Variants in SYNE3 observed in about 807,000 individuals in gnomAD.
The protein encoded by SYNE3 is nesprin-3.
A neutral mutation model predicts 111.2 loss-of-function variants in SYNE3; 100 were observed. The observed-to-expected ratio is 0.90, with a 90% CI of 0.77 to 1.06. The LOEUF (loss-of-function observed/expected upper bound fraction) is 1.06. SYNE3 is among the 50% of genes least tolerant of loss of function. The pLI, the probability that SYNE3 is intolerant of heterozygous loss-of-function variation, is 0.00. For missense variants in SYNE3, 1,160 were observed against 1,240.3 expected, an observed-to-expected ratio of 0.94 and a Z score of 0.97; for synonymous variants, 547 against 533.9, an observed-to-expected ratio of 1.02 and a Z score of -0.34.
chr14:95,516,175 G>T (rs927208501), intron 1 of SYNE3: 4 of 152,312 alleles, frequency 2.6e-5, no homozygotes, highest in Non-Finnish European at 4.4e-5. Flanking sequence ...GCTCGCGGTC[G>T]CCAGGAGCGG....
chr14:95,421,245 G>A (rs747106343), intron 17 of SYNE3, among the ~76,000 whole-genome samples: 3 of 152,156 alleles, frequency 2.0e-5, no homozygotes, highest in Non-Finnish European at 4.4e-5. Flanking sequence ...GGGTTGATGA[G>A]CCCATGGGGG....
intron 17 of SYNE3, among the ~76,000 whole-genome samples, chr14:95,420,282 T>G (rs979481806): frequency 2.6e-5 from 4 of 152,000 alleles, no homozygotes; most frequent in African/African-American, 9.7e-5. Context: ...GCTGCTGGGT[T>G]GGGTGGGGCC....
At chr14:95,457,419 GGT>G (rs36203973) in intron 4 of SYNE3, 81 bp from the exon 5 acceptor site, 207,019 of 1,216,920 alleles carry the variant, frequency 0.17, 1,265 homozygotes, top group East Asian at 0.27. Context: ...AGCCTGCCTG[GGT>G]GTGTGTGTGT....
intron 9 of SYNE3, among the ~76,000 whole-genome samples, chr14:95,445,283 T>C (rs2139407793): frequency 6.6e-6 from 1 of 152,338 alleles, no homozygotes; most frequent in South Asian, 2.1e-4. Flanking sequence ...TTCTTGACCA[T>C]TCTGCTTCAG....
chr14:95,437,098 G>A (rs75942423), intron 14 of SYNE3, 117 bp from the exon 15 acceptor site: 16,544 of 1,204,366 alleles, frequency 0.014, 178 homozygotes, highest in Middle Eastern at 0.019. Context: ...CCAAAATGGC[G>A]ACGGGAGAGG....
At chr14:95,475,343 G>A (rs1219748316) in intron 2 of SYNE3, among the ~76,000 whole-genome samples, 1 of 151,884 alleles carries the variant, frequency 6.6e-6, no homozygotes, top group South Asian at 2.1e-4. Context: ...CCCCCAGCAA[G>A]GGCTGGGGAC....
chr14:95,510,867 T>C (rs1890699412), intron 1 of SYNE3, among the ~76,000 whole-genome samples: 1 of 152,112 alleles, frequency 6.6e-6, no homozygotes, highest in African/African-American at 2.4e-5. Flanking sequence ...ACAAAGGCAG[T>C]GGGCTTCCTT....
At chr14:95,440,146 A>C in intron 11 of SYNE3, 71 bp from the exon 12 acceptor site, 2 of 1,503,036 alleles carry the variant, frequency 1.3e-6, no homozygotes, top group East Asian at 4.6e-5. Context: ...CACCACCCCC[A>C]CCCTGCAGGG....
intron 3 of SYNE3, 99 bp downstream of exon 3, chr14:95,467,696 G>A (rs766351498): frequency 3.3e-5 from 47 of 1,427,518 alleles, no homozygotes; most frequent in Non-Finnish European, 4.3e-5. Context: ...CAGAATCCCA[G>A]GACTGGAGAA....
chr14:95,468,018 C>G, intron 2 of SYNE3, 51 bp from the exon 3 acceptor site: 2 of 1,572,438 alleles, frequency 1.3e-6, no homozygotes, highest in Non-Finnish European at 1.7e-6. Context: ...GGCAGACAGG[C>G]ACAACCTTGG....
At chr14:95,495,953 G>A (rs903921717) in intron 1 of SYNE3, among the ~76,000 whole-genome samples, 12 of 152,190 alleles carry the variant, frequency 7.9e-5, no homozygotes, top group Non-Finnish European at 1.3e-4. Context: ...CCTCTCAAGA[G>A]TATGGCTTGA....
intron 1 of SYNE3, among the ~76,000 whole-genome samples, chr14:95,505,960 A>G (rs911596199): frequency 2.6e-4 from 40 of 152,242 alleles, no homozygotes; most frequent in Non-Finnish European, 8.8e-5. Flanking sequence ...TTAAAAAGCT[A>G]CAGATAAGCA....
In SYNE3 at chr14:95,418,114, G is replaced by A. The variant is rs1475319534; in HGVS notation, c.2728-88C>T. On this transcript the variant is annotated intron_variant, in intron 17 of 17. Transcript: ENST00000682763. ...AGGGGGCGAGGAGGATGCCAGGAGC[G>A]GTGGTAGCACTGAACTGACTGTATG... The A allele has an allele frequency of 4.2e-5, 59 of 1,393,372 alleles. No individual in the cohort carries two copies. The South Asian group carries it at 4.3e-4, about 10-fold the overall frequency. 86.3% of individuals were successfully genotyped at this position (1,393,372 alleles called of 1,614,324 possible).
intron 3 of SYNE3, among the ~76,000 whole-genome samples, chr14:95,467,491 T>G (rs1888260959): frequency 7.6e-6 from 1 of 131,990 alleles, no homozygotes; most frequent in African/African-American, 2.8e-5. Context: ...CTGGCTACAG[T>G]GCTAGCAGGG....
At chr14:95,509,436 T>C (rs1890645170) in intron 1 of SYNE3, among the ~76,000 whole-genome samples, 2 of 152,182 alleles carry the variant, frequency 1.3e-5, no homozygotes, top group Admixed American at 6.5e-5. Flanking sequence ...TGGACCCTCC[T>C]GGGCTGAGGG....
intron 1 of SYNE3, among the ~76,000 whole-genome samples, chr14:95,479,997 C>T (rs1889129602): frequency 6.6e-6 from 1 of 152,078 alleles, no homozygotes; most frequent in Non-Finnish European, 1.5e-5. Context: ...AGCCAGCATG[C>T]CTCTCTGGCA....
In SYNE3 at chr14:95,470,521, T is replaced by C. The variant is rs1429651959; in HGVS notation, c.145-2554A>G. Among the ~76,000 whole-genome samples, 3 of 150,896 alleles carry C rather than the reference T, an allele frequency of 2.0e-5. No homozygotes were observed. Among genetic ancestry groups the C allele is most frequent in the African/African-American group, 4.9e-5 (2 of 41,006 alleles). ...AAAAAACTAGCCAGGCACAGTGGCA[T>C]ATGCCTGTAGTCCTAGTTACTCAAG... is the stretch of plus-strand genomic sequence containing the variant. On this transcript the variant is annotated intron_variant, in intron 2 of 17. Transcript: ENST00000682763. The surrounding 1 kb of genome is among the most constrained non-coding windows in gnomAD (Gnocchi z 4.2).
chr14:95,436,176 A>C (rs549498189), intron 15 of SYNE3, among the ~76,000 whole-genome samples: 1 of 152,088 alleles, frequency 6.6e-6, no homozygotes, highest in Non-Finnish European at 1.5e-5. Context: ...CCTTCCATCA[A>C]GTAGTGGAGT....
In SYNE3 at chr14:95,449,391, A is replaced by C. The variant is rs1159326238; in HGVS notation, c.1449+540T>G. ...TTGAAAGGCGGAAGTAGAGGTGGAG[A>C]GAGCCCTGTGCATCCGCGGCTCCAT... is the stretch of plus-strand genomic sequence containing the variant. On this transcript the variant is annotated intron_variant, in intron 8 of 17. Coordinates refer to ENST00000682763, the MANE Select transcript of SYNE3 (RefSeq NM_152592.6). The C allele has an allele frequency of 1.3e-5, 13 of 977,878 alleles. No individual in the cohort carries two copies. In the East Asian group the frequency reaches 1.4e-3, roughly 103 times the overall value. The allele number at this position is 977,878 out of a possible 1,614,324, so 60.6% of individuals were successfully genotyped here. A position where few individuals can be genotyped will look rare whatever the true frequency, so the allele number is the denominator to read the frequency against.
Sources: gnomAD v4.1 joint callset for allele counts (sites outside exome capture counted in the v4.1 genomes callset) on GRCh38, gnomAD v4.1.1 for gene constraint, Gnocchi (gnomAD v3.1) non-coding constraint, MANE v1.5 for transcripts, NCBI Gene and HGNC (gene_info 2026-07-23, HGNC 2026-07-21) for gene names.